Variants in DPYD observed in about 807,000 individuals in gnomAD.
DPYD encodes dihydropyrimidine dehydrogenase [NADP(+)].
A neutral mutation model predicts 116.2 loss-of-function variants in DPYD; 109 were observed. The ratio of observed to expected loss-of-function variants is 0.94; its 90% CI spans 0.80 to 1.10. The LOEUF (loss-of-function observed/expected upper bound fraction) is 1.10. Ranked by LOEUF, DPYD falls within the 50% of genes least tolerant of loss-of-function variation. The pLI, the probability that DPYD is intolerant of heterozygous loss-of-function variation, is 0.00. For synonymous variants in DPYD, 440 were observed against 432.0 expected (o/e 1.02, Z -0.23); for missense variants, 1,302 against 1,254.5 (o/e 1.04, Z -0.57).
chr1:97,406,319 G>A (rs866986213), intron 14 of DPYD, among the ~76,000 whole-genome samples: 34 of 144,532 alleles, frequency 2.4e-4, no homozygotes, highest in Non-Finnish European at 3.3e-4. Context: ...TTATTTTTAA[G>A]TATATCTTAT....
intron 18 of DPYD, among the ~76,000 whole-genome samples, chr1:97,254,391 C>A (rs374732598): frequency 6.6e-6 from 1 of 152,142 alleles, no homozygotes; most frequent in Non-Finnish European, 1.5e-5. Context: ...GTTCTAGTTA[C>A]GAAAGCATTT....
rs141638990 is a variant in DPYD at position 97,279,372 on chromosome 1, C to T, written c.2299+25887G>A. 1.4e-3 allele frequency among the ~76,000 whole-genome samples: 210 copies of T among 152,164 alleles called. 2 individuals carry two copies. The highest frequency in any genetic ancestry group is 4.7e-3 in the African/African-American group (195 of 41,516). ...AGGGTACTGGAGAGCACAGTTCAAG[C>T]AGGGAGGCACAGTGGGTGAAATGTG... On this transcript the variant is annotated intron_variant, in intron 18 of 22. Coordinates refer to ENST00000370192, the MANE Select transcript of DPYD (RefSeq NM_000110.4).
At chr1:97,402,654 G>T (rs1673438162) in intron 14 of DPYD, among the ~76,000 whole-genome samples, 1 of 152,046 alleles carries the variant, frequency 6.6e-6, no homozygotes, top group Non-Finnish European at 1.5e-5. Flanking sequence ...ATTATGAAAA[G>T]AAATGGTGAA....
chr1:97,334,270 A>C (rs1191754485), intron 16 of DPYD, among the ~76,000 whole-genome samples: 1 of 152,168 alleles, frequency 6.6e-6, no homozygotes, highest in African/African-American at 2.4e-5. Context: ...ACTTTTTTGA[A>C]GATGCAGAGT....
At position 97,450,039 on chromosome 1, in the gene DPYD, A is replaced by G; in HGVS notation, c.1905+20T>C. On this transcript the variant is annotated intron_variant, in intron 14 of 22. Transcript: ENST00000370192. Reference sequence around the variant, plus strand: ...CAACTTATGCCAATTCTCTTGTTTTAGATGTTAAATCACACTTACGTTGTC... The same window carrying G: ...CAACTTATGCCAATTCTCTTGTTTTGGATGTTAAATCACACTTACGTTGTC... 6.2e-7 allele frequency: 1 copy of G among 1,613,676 alleles called. No homozygotes were observed. The highest frequency in any genetic ancestry group is 8.5e-7 in the Non-Finnish European group (1 of 1,179,670).
At chr1:97,546,597 T>G (rs1179815842) in intron 12 of DPYD, 7 of 1,609,924 alleles carry the variant, frequency 4.3e-6, no homozygotes, top group Non-Finnish European at 8.5e-7. Flanking sequence ...ATCCTGTGTA[T>G]AGCCTTTACT....
intron 4 of DPYD, among the ~76,000 whole-genome samples, chr1:97,735,628 C>A (rs1231462278): frequency 6.6e-6 from 1 of 150,948 alleles, no homozygotes; most frequent in Non-Finnish European, 1.5e-5. Flanking sequence ...GCGGAGCTTG[C>A]AGTGCGCAGA....
chr1:97,210,578 AT>A (rs1298499147), intron 19 of DPYD, among the ~76,000 whole-genome samples: 1 of 152,166 alleles, frequency 6.6e-6, no homozygotes, highest in Non-Finnish European at 1.5e-5. Context: ...ACTATGAGGC[AT>A]TCTTAAGAAG....
chr1:97,400,249 G>A (rs978087793), intron 14 of DPYD, among the ~76,000 whole-genome samples: 4 of 152,114 alleles, frequency 2.6e-5, no homozygotes, highest in Admixed American at 6.6e-5. Flanking sequence ...GCTGGATTAC[G>A]TTTATTCATT....
intron 2 of DPYD, among the ~76,000 whole-genome samples, chr1:97,867,018 T>G (rs988809383): frequency 1.3e-5 from 2 of 151,750 alleles, no homozygotes; most frequent in Non-Finnish European, 2.9e-5. Context: ...ACATAATCTA[T>G]TTTAGGTTTC....
At chr1:97,112,940 A>C (rs1459034302) in intron 20 of DPYD, among the ~76,000 whole-genome samples, 1 of 152,140 alleles carries the variant, frequency 6.6e-6, no homozygotes. Flanking sequence ...CTTTCAATAA[A>C]TGTAGGTCAG....
chr1:97,827,437 A>C (rs1669296769), intron 3 of DPYD, among the ~76,000 whole-genome samples: 1 of 152,074 alleles, frequency 6.6e-6, no homozygotes, highest in South Asian at 2.1e-4. Flanking sequence ...TTTCCCACAA[A>C]TTTTCAATGT....
At chr1:97,424,275 C>T (rs1368853987) in intron 14 of DPYD, among the ~76,000 whole-genome samples, 9 of 151,980 alleles carry the variant, frequency 5.9e-5, no homozygotes, top group Non-Finnish European at 1.2e-4. Flanking sequence ...CATGGTGAGG[C>T]TCTAGAACTT....
intron 8 of DPYD, among the ~76,000 whole-genome samples, chr1:97,629,795 C>T (rs1316824541): frequency 6.6e-6 from 1 of 151,990 alleles, no homozygotes; most frequent in East Asian, 1.9e-4. Flanking sequence ...TTAGACAATG[C>T]TATGATCTAT....
intron 20 of DPYD, among the ~76,000 whole-genome samples, chr1:97,145,743 GTT>G (rs370793517): frequency 0.076 from 9,773 of 129,218 alleles, 390 homozygotes; most frequent in Middle Eastern, 0.12. Context: ...AATTGTGTGG[GTT>G]TTTTTTTTTT....
rs185191815 is a variant in DPYD, at chr1:97,419,474, A to G, written c.1905+30585T>C. Among the ~76,000 whole-genome samples, 901 of 152,292 alleles carry G rather than the reference A, an allele frequency of 5.9e-3. 14 individuals are homozygous for G. The highest frequency in any genetic ancestry group is 8.2e-3 in the Non-Finnish European group (560 of 68,020). On this transcript the variant is annotated intron_variant, in intron 14 of 22. Transcript: ENST00000370192. The stretch of plus-strand genomic sequence containing the variant: ...TTTTTGTTATTCACAACAACGCTGT[A>G]AAATAGGCACCGATATTCCAATTTT...
intron 8 of DPYD, among the ~76,000 whole-genome samples, chr1:97,607,474 G>C (rs1655671587): frequency 6.6e-6 from 1 of 151,830 alleles, no homozygotes; most frequent in South Asian, 2.1e-4. Context: ...AAGCTCAGGA[G>C]GGAAATCCCG....
intron 12 of DPYD, among the ~76,000 whole-genome samples, chr1:97,534,586 C>A (rs1037998513): frequency 6.6e-6 from 1 of 151,876 alleles, no homozygotes; most frequent in Admixed American, 6.6e-5. Context: ...GGATGTTATT[C>A]TTTTCTTTAT....
intron 14 of DPYD, among the ~76,000 whole-genome samples, chr1:97,421,230 A>G (rs545131669): frequency 6.6e-6 from 1 of 152,298 alleles, no homozygotes; most frequent in Non-Finnish European, 1.5e-5. Context: ...TTAAGAGTTA[A>G]TTTTAGTTAA....
Sources: allele counts gnomAD v4.1 joint callset (sites outside exome capture counted in the v4.1 genomes callset), GRCh38; gene constraint gnomAD v4.1.1; transcripts MANE v1.5; gene names NCBI Gene and HGNC (gene_info 2026-07-23, HGNC 2026-07-21).